PLCG2: variants seen among roughly 807,000 people sequenced by gnomAD.
The protein encoded by PLCG2 is 1-phosphatidylinositol 4,5-bisphosphate phosphodiesterase gamma-2.
A neutral mutation model predicts 175.6 loss-of-function variants in PLCG2; 69 were observed. The observed-to-expected ratio is 0.39, with a 90% CI of 0.32 to 0.48. The LOEUF (loss-of-function observed/expected upper bound fraction) is 0.48. Among genes scored for constraint, PLCG2 ranks in the 20% least tolerant of loss-of-function variants. The pLI is 0.91. For missense variants in PLCG2, 1,798 were observed against 1,650.9 expected (o/e 1.09, Z -1.54); for synonymous variants, 827 against 624.0 (o/e 1.33, Z -4.85).
chr16:81,805,756 TGTTTTGTTTTG>T, intron 2 of PLCG2, among the ~76,000 whole-genome samples: 1 of 80,186 alleles, frequency 1.2e-5, no homozygotes, highest in African/African-American at 4.6e-5. Context: ...ATGAGAGTAG[TGTTTTGTTTTG>T]TTTTTTTTTT....
chr16:81,847,300 G>C (rs1398799183), intron 2 of PLCG2, among the ~76,000 whole-genome samples: 1 of 152,194 alleles, frequency 6.6e-6, no homozygotes, highest in Non-Finnish European at 1.5e-5. Context: ...CATGTGTTTA[G>C]CAACCAAGAA....
chr16:81,755,155 T>C lies in PLCG2; in HGVS notation c.-144-715T>C, dbSNP rs148727741. 8.7e-3 allele frequency among the ~76,000 whole-genome samples: 1,320 copies of C among 152,202 alleles called. 31 individuals are homozygous for C. The highest frequency in any genetic ancestry group is 0.03 in the African/African-American group (1,265 of 41,534). ...AGCTGAGCTGAGAGGTGGCTGACAA[T>C]GGGAAACCACCCCAAGCCTGTTCCT... On this transcript the variant is annotated intron_variant, in intron 1 of 5. Coordinates refer to the PLCG2 transcript ENST00000565054.
At chr16:81,787,503 C>G (rs904429737) in intron 2 of PLCG2, among the ~76,000 whole-genome samples, 4 of 141,864 alleles carry the variant, frequency 2.8e-5, no homozygotes, top group Non-Finnish European at 4.5e-5. Context: ...ATTGGGATTA[C>G]AGGCATGAGC....
At chr16:81,855,207 AAG>A (rs1491518374) in intron 3 of PLCG2, among the ~76,000 whole-genome samples, 4 of 151,660 alleles carry the variant, frequency 2.6e-5, no homozygotes, top group Non-Finnish European at 5.9e-5. Context: ...AAAAAAAAAA[AAG>A]AGAAGAAAAA....
At chr16:81,749,557 T>G (rs1387768759) in intron 1 of PLCG2, among the ~76,000 whole-genome samples, 1 of 152,174 alleles carries the variant, frequency 6.6e-6, no homozygotes, top group Non-Finnish European at 1.5e-5. Flanking sequence ...TTTTACCATG[T>G]TGGCCAGGCT....
chr16:81,772,322 A>G (rs1040204626), intron 2 of PLCG2, among the ~76,000 whole-genome samples: 1 of 152,136 alleles, frequency 6.6e-6, no homozygotes, highest in African/African-American at 2.4e-5. Context: ...CGTGGGGCAG[A>G]TTCTCACCTA....
intron 22 of PLCG2, among the ~76,000 whole-genome samples, 190 bp downstream of exon 22, chr16:81,923,784 A>G (rs534380658): frequency 1.3e-5 from 2 of 152,328 alleles, no homozygotes; most frequent in South Asian, 4.1e-4. Context: ...ATAAACAACA[A>G]TATTAACAGG....
rs943070719 is a variant in PLCG2 at position 81,900,764 on chromosome 16, A to G, written c.1346A>G (p.Glu449Gly). ...DQLPSPSQLR[E>G]KIIIKHKKLG... ...CTGCCCTCGCCCAGCCAGCTGCGGG[A>G]GAAGATCATCATCAAGGTAGGCACC... is the stretch of plus-strand genomic sequence containing the variant. Residue 449 changes from glutamate (E) to glycine (G), a missense_variant, in exon 14 of 33, where the codon GAG (glutamate) becomes GGG (glycine). Physicochemically the swap from Glu to Gly is moderately conservative, Grantham distance 98. Coordinates refer to ENST00000564138, the MANE Select transcript of PLCG2 (RefSeq NM_002661.5). 2 of 1,601,112 alleles carry G rather than the reference A, an allele frequency of 1.2e-6. No homozygotes were observed. Among genetic ancestry groups the G allele is most frequent in the African/African-American group, 2.7e-5 (2 of 74,812 alleles).
At chr16:81,935,093 T>A (rs1402617269) in intron 26 of PLCG2, among the ~76,000 whole-genome samples, 1 of 152,176 alleles carries the variant, frequency 6.6e-6, no homozygotes, top group African/African-American at 2.4e-5. Context: ...ACTTGGTGGC[T>A]GAAAACAACA....
At chr16:81,751,347 A>G (rs921624006) in intron 1 of PLCG2, among the ~76,000 whole-genome samples, 1 of 152,216 alleles carries the variant, frequency 6.6e-6, no homozygotes, top group Non-Finnish European at 1.5e-5. Context: ...GATGGAGAAC[A>G]TTATGCTAAG....
At chr16:81,807,652 C>T (rs1567474589) in intron 2 of PLCG2, among the ~76,000 whole-genome samples, 1 of 152,196 alleles carries the variant, frequency 6.6e-6, no homozygotes, top group Non-Finnish European at 1.5e-5. Flanking sequence ...AACATTGAGG[C>T]ATAGCCCAGG....
intron 2 of PLCG2, among the ~76,000 whole-genome samples, chr16:81,826,499 G>C (rs1364622463): frequency 6.6e-6 from 1 of 152,182 alleles, no homozygotes; most frequent in Non-Finnish European, 1.5e-5. Context: ...CGCAATAATA[G>C]TAGGACCTAT....
chr16:81,806,941 C>T (rs557501251), intron 2 of PLCG2, among the ~76,000 whole-genome samples: 1 of 152,148 alleles, frequency 6.6e-6, no homozygotes, highest in East Asian at 1.9e-4. Context: ...GCCTCCATAG[C>T]ACTCAAGCTT....
intron 7 of PLCG2, among the ~76,000 whole-genome samples, chr16:81,872,227 G>C (rs55873405): frequency 0.55 from 83,117 of 151,960 alleles, 23,481 homozygotes; most frequent in Middle Eastern, 0.62. Flanking sequence ...ACTTGGGAGG[G>C]TAAGGCAGGA....
intron 2 of PLCG2, among the ~76,000 whole-genome samples, chr16:81,844,222 T>C (rs568417473): frequency 9.3e-5 from 14 of 150,138 alleles, no homozygotes; most frequent in Admixed American, 8.7e-4. Context: ...CTCTATCTCC[T>C]GACCTCGTGA....
At chr16:81,919,813 C>G (rs1191416737) in intron 20 of PLCG2, 149 bp downstream of exon 20, 1 of 645,434 alleles carries the variant, frequency 1.5e-6, no homozygotes, top group African/African-American at 1.8e-5. Context: ...CAACAAAGAC[C>G]CTGCCGTTGT....
At chr16:81,786,232 C>A in intron 2 of PLCG2, 50 bp downstream of exon 2, 1 of 1,438,348 alleles carries the variant, frequency 7.0e-7, no homozygotes, top group Non-Finnish European at 9.7e-7. Context: ...GGGGCCCTGG[C>A]CTGAGCACCT....
intron 25 of PLCG2, among the ~76,000 whole-genome samples, chr16:81,932,347 A>G (rs73598705): frequency 0.037 from 5,678 of 152,294 alleles, 367 homozygotes; most frequent in African/African-American, 0.13. Flanking sequence ...ACTCACAAGT[A>G]CTTAATCACT....
chr16:81,820,604 A>G (rs902857539), intron 2 of PLCG2, among the ~76,000 whole-genome samples: 1 of 132,118 alleles, frequency 7.6e-6, no homozygotes, highest in South Asian at 2.6e-4. Context: ...TCCCCTCTGT[A>G]TAATGGGGAA....
Sources: allele counts gnomAD v4.1 joint callset (sites outside exome capture counted in the v4.1 genomes callset), GRCh38; gene constraint gnomAD v4.1.1; transcripts MANE v1.5; gene names NCBI Gene and HGNC (gene_info 2026-07-23, HGNC 2026-07-21).